Variants in FAM120B observed in about 807,000 individuals in gnomAD.
The protein encoded by FAM120B is family with sequence similarity 120 member B, also known as constitutive coactivator of peroxisome proliferator-activated receptor gamma.
Under a neutral mutation model 96.3 loss-of-function variants are expected in FAM120B, and 83 were observed. The ratio of observed to expected loss-of-function variants is 0.86; its 90% CI spans 0.72 to 1.03. The LOEUF (loss-of-function observed/expected upper bound fraction) is 1.03. Among genes scored for constraint, FAM120B ranks in the 50% least tolerant of loss-of-function variants. The probability of loss-of-function intolerance (pLI) is 0.00; values close to 1 mark genes in which losing one functional copy is unlikely to be tolerated. For missense variants in FAM120B, 1,027 were observed against 1,121.2 expected, an observed-to-expected ratio of 0.92 and a Z score of 1.20; for synonymous variants, 407 against 402.7, an observed-to-expected ratio of 1.01 and a Z score of -0.13.
chr6:170,304,861 A>AC (rs1462783604), upstream of FAM120B, among the ~76,000 whole-genome samples: 1 of 152,114 alleles, frequency 6.6e-6, no homozygotes, highest in African/African-American at 2.4e-5. Context: ...TCCCTGTCTT[A>AC]GACTGTTCAG....
At chr6:170,357,728 A>G (rs533724535) in intron 5 of FAM120B, among the ~76,000 whole-genome samples, 1 of 152,330 alleles carries the variant, frequency 6.6e-6, no homozygotes, top group South Asian at 2.1e-4. Flanking sequence ...TTGGCACCTC[A>G]TGATTATTCC....
chr6:170,302,555 T>C (rs1358652797), upstream of FAM120B, among the ~76,000 whole-genome samples: 1 of 152,232 alleles, frequency 6.6e-6, no homozygotes, highest in Non-Finnish European at 1.5e-5. Flanking sequence ...GTCAACTTGT[T>C]ACCAAGAGAA....
intron 1 of FAM120B, among the ~76,000 whole-genome samples, chr6:170,308,022 G>C (rs774532864): frequency 3.0e-4 from 45 of 152,174 alleles, no homozygotes; most frequent in Non-Finnish European, 5.1e-4. Flanking sequence ...TCCGTGTCTA[G>C]TGTCATGCTT....
At chr6:170,362,684 C>CTTTTTTTTTTTTTTTTT (rs759098041) in intron 6 of FAM120B, among the ~76,000 whole-genome samples, 2 of 139,820 alleles carry the variant, frequency 1.4e-5, no homozygotes, top group African/African-American at 5.3e-5. Flanking sequence ...TTTCTTTTTT[C>CTTTTTTTTTTTTTTTTT]TTTTTTTTTT....
intron 4 of FAM120B, among the ~76,000 whole-genome samples, chr6:170,333,458 A>T (rs931050421): frequency 3.3e-5 from 5 of 151,588 alleles, no homozygotes; most frequent in African/African-American, 1.2e-4. Context: ...ATGGACCAAG[A>T]CACTGGTTTG....
chr6:170,304,195 T>G (rs1178693181), upstream of FAM120B, among the ~76,000 whole-genome samples: 1 of 152,238 alleles, frequency 6.6e-6, no homozygotes, highest in Non-Finnish European at 1.5e-5. Flanking sequence ...GCTAATATAG[T>G]GAGAGTTGAA....
chr6:170,349,266 G>A (rs972791155), intron 5 of FAM120B, among the ~76,000 whole-genome samples: 1 of 152,180 alleles, frequency 6.6e-6, no homozygotes, highest in Non-Finnish European at 1.5e-5. Context: ...TCAAGCCATC[G>A]TCTCAGCTTC....
At chr6:170,349,696 A>T (rs546005513) in intron 5 of FAM120B, among the ~76,000 whole-genome samples, 1 of 152,318 alleles carries the variant, frequency 6.6e-6, no homozygotes, top group Admixed American at 6.5e-5. Flanking sequence ...TAAAATGTAG[A>T]TGTAAAAAGA....
intron 9 of FAM120B, among the ~76,000 whole-genome samples, chr6:170,400,502 G>T (rs557567390): frequency 2.0e-4 from 31 of 152,230 alleles, no homozygotes; most frequent in African/African-American, 7.2e-4. Context: ...TTTGTCTCAA[G>T]CGCTGGTTCT....
chr6:170,333,402 C>A, intron 4 of FAM120B, among the ~76,000 whole-genome samples: 1 of 152,052 alleles, frequency 6.6e-6, no homozygotes, highest in Non-Finnish European at 1.5e-5. Flanking sequence ...AAATTTTCTG[C>A]TGTTAAAAGC....
chr6:170,394,967 A>T (rs1562597523), intron 8 of FAM120B, among the ~76,000 whole-genome samples: 1 of 152,284 alleles, frequency 6.6e-6, no homozygotes, highest in East Asian at 1.9e-4. Context: ...TTAAAAAATC[A>T]CATGAGTTTG....
intron 6 of FAM120B, among the ~76,000 whole-genome samples, chr6:170,381,667 C>G (rs925567504): frequency 1.3e-5 from 2 of 152,124 alleles, no homozygotes; most frequent in African/African-American, 4.8e-5. Context: ...TAATTATACA[C>G]TATGACCAAG....
At chr6:170,297,234 G>T (rs562471907) in intron 1 of FAM120B, among the ~76,000 whole-genome samples, 1 of 152,316 alleles carries the variant, frequency 6.6e-6, no homozygotes, top group African/African-American at 2.4e-5. Context: ...GTCCCCACGG[G>T]ACCCCGCGTC....
At position 170,317,489 on chromosome 6, in the gene FAM120B, G is replaced by A. The variant is rs1166645407; in HGVS notation, c.99G>A (p.Lys33=). The A allele has an allele frequency of 6.2e-7, 1 of 1,614,226 alleles. No homozygotes were observed. Among genetic ancestry groups the A allele is most frequent in the South Asian group, 1.1e-5 (1 of 91,088 alleles). Residue 33 remains lysine (K), a synonymous_variant, in exon 2 of 11, where the codon AAG becomes AAA. Transcript: ENST00000476287. The part of the protein sequence containing the change: ...FKELAEHHRS[K]YPGCTPTIVV... ...AACTGGCAGAGCACCACCGAAGCAA[G>A]TATCCTGGATGTACCCCTACCATTG...
At chr6:170,317,238 C>A in intron 1 of FAM120B, 132 bp from the exon 2 acceptor site, 1 of 679,322 alleles carries the variant, frequency 1.5e-6, no homozygotes. Context: ...TCCTAACCAG[C>A]ATATCATGTT....
At chr6:170,341,068 A>G (rs1018963240) in intron 4 of FAM120B, among the ~76,000 whole-genome samples, 2 of 152,238 alleles carry the variant, frequency 1.3e-5, no homozygotes, top group African/African-American at 4.8e-5. Flanking sequence ...CAGAGCCGTC[A>G]GGCAGGAACG....
At chr6:170,341,337 C>A (rs1355617438) in intron 4 of FAM120B, among the ~76,000 whole-genome samples, 1 of 152,180 alleles carries the variant, frequency 6.6e-6, no homozygotes, top group Non-Finnish European at 1.5e-5. Context: ...ATGGCAGACG[C>A]CCCTCCCCCC....
intron 4 of FAM120B, among the ~76,000 whole-genome samples, chr6:170,336,229 G>T (rs140232011): frequency 1.3e-5 from 2 of 152,124 alleles, no homozygotes; most frequent in Non-Finnish European, 2.9e-5. Context: ...TTTGTATAAG[G>T]TATAAGGAAG....
chr6:170,314,867 G>A (rs1784800276), intron 1 of FAM120B, among the ~76,000 whole-genome samples: 1 of 152,122 alleles, frequency 6.6e-6, no homozygotes, highest in Admixed American at 6.5e-5. Flanking sequence ...ATTTTTCTTG[G>A]TAAGTAGTAT....
Sources: gnomAD v4.1 joint callset for allele counts (sites outside exome capture counted in the v4.1 genomes callset) on GRCh38, gnomAD v4.1.1 for gene constraint, MANE v1.5 for transcripts, NCBI Gene and HGNC (gene_info 2026-07-23, HGNC 2026-07-21) for gene names.